FBXO40: variants seen among roughly 807,000 people sequenced by gnomAD.
FBXO40 encodes the protein F-box only protein 40.
Under a neutral mutation model 49.9 loss-of-function variants are expected in FBXO40, and 50 were observed. The ratio of observed to expected loss-of-function variants is 1.00; its 90% CI spans 0.80 to 1.27. The LOEUF (loss-of-function observed/expected upper bound fraction) is 1.27. Ranked by LOEUF, FBXO40 falls within the 50% of genes most tolerant of loss-of-function variation. The probability of loss-of-function intolerance (pLI) is 0.00; values close to 1 mark genes in which losing one functional copy is unlikely to be tolerated. For missense variants in FBXO40, 895 were observed against 870.1 expected, an observed-to-expected ratio of 1.03 and a Z score of -0.36; for synonymous variants, 340 against 320.2, an observed-to-expected ratio of 1.06 and a Z score of -0.66.
intron 1 of FBXO40, among the ~76,000 whole-genome samples, chr3:121,598,641 G>A (rs932150799): frequency 2.0e-5 from 3 of 152,146 alleles, no homozygotes; most frequent in African/African-American, 4.8e-5. Context: ...GCACTACACC[G>A]GGTGAGCAAG....
chr3:121,611,562 T>C (rs2048965708), intron 1 of FBXO40, among the ~76,000 whole-genome samples: 1 of 152,216 alleles, frequency 6.6e-6, no homozygotes, highest in Non-Finnish European at 1.5e-5. Context: ...TGAACAAATA[T>C]ACAATCAGGT....
rs11448457 is a variant in FBXO40 at position 121,615,200 on chromosome 3, C to CAAA, written c.-30-5327_-30-5325dup. ...AGCCTGGGCAACAGAGAGAGCATCT[C>CAAA]AAAAAAAAAAAAAAAAAAAAAGTAG... is the stretch of plus-strand genomic sequence containing the variant. On this transcript the variant is annotated intron_variant, in intron 1 of 3. Transcript: ENST00000338040. 1.6e-3 allele frequency among the ~76,000 whole-genome samples: 110 copies of CAAA among 69,142 alleles called. 2 individuals carry two copies. The highest frequency in any genetic ancestry group is 3.6e-3 in the East Asian group (9 of 2,500). 45.4% of individuals were successfully genotyped at this position (69,142 alleles called of 152,430 possible).
intron 1 of FBXO40, among the ~76,000 whole-genome samples, chr3:121,598,814 C>T (rs1318076638): frequency 1.4e-4 from 22 of 152,152 alleles, no homozygotes; most frequent in Admixed American, 1.4e-3. Context: ...CTGAACTGGG[C>T]CCAATTTACA....
At chr3:121,599,468 C>CAAA (rs35637771) in intron 1 of FBXO40, among the ~76,000 whole-genome samples, 1 of 91,678 alleles carries the variant, frequency 1.1e-5, no homozygotes, top group African/African-American at 4.4e-5. Flanking sequence ...GACTCTGACT[C>CAAA]AAAAAAAAAA....
intron 1 of FBXO40, among the ~76,000 whole-genome samples, chr3:121,615,669 G>A (rs2048993967): frequency 6.6e-6 from 1 of 152,072 alleles, no homozygotes; most frequent in Admixed American, 6.5e-5. Flanking sequence ...GGTAGCAGCT[G>A]TCAGTGTTAT....
chr3:121,600,500 A>T (rs4402866), intron 1 of FBXO40, among the ~76,000 whole-genome samples: 101,997 of 151,966 alleles, frequency 0.67, 34,508 homozygotes, highest in East Asian at 0.79. Context: ...GCCATAAGGA[A>T]GGAGGGGCTT....
chr3:121,628,467 TG>T lies in FBXO40; in HGVS notation c.*1559del, dbSNP rs1195115381. On this transcript the variant is annotated 3_prime_UTR_variant, in exon 4 of 4. Coordinates refer to ENST00000338040, the MANE Select transcript of FBXO40 (RefSeq NM_016298.4). The stretch of plus-strand genomic sequence containing the variant: ...GTGAGCCACTGCGCCCTGCCTGAAC[TG>T]GATAATTCTTTGTTGCAAGGGACTG... 6.6e-6 allele frequency: 1 copy of T among 152,210 alleles called. No individual in the cohort carries two copies. Among genetic ancestry groups the T allele is most frequent in the Non-Finnish European group, 1.5e-5 (1 of 68,060 alleles). The allele number at this position is 152,210 out of a possible 1,614,324, so 9.4% of individuals were successfully genotyped here.
At position 121,604,971 on chromosome 3, in the gene FBXO40, TTTA is replaced by T. The variant is rs869307383; in HGVS notation, c.-31+11475_-31+11477del. Among the ~76,000 whole-genome samples the T allele has an allele frequency of 1.0e-3, 152 of 145,260 alleles. 1 individual carries two copies. The highest frequency in any genetic ancestry group is 1.5e-3 in the Admixed American group (22 of 14,682). On this transcript the variant is annotated intron_variant, in intron 1 of 3. Coordinates refer to ENST00000338040, the MANE Select transcript of FBXO40 (RefSeq NM_016298.4). ...ATTTATTTATTTATTTATTTATTTA[TTTA>T]TTATTTATTTATTTATTTGACACAG...
At chr3:121,613,498 C>T (rs139763274) in intron 1 of FBXO40, among the ~76,000 whole-genome samples, 83 of 152,244 alleles carry the variant, frequency 5.5e-4, no homozygotes, top group African/African-American at 1.9e-3. Context: ...GTCTAGAAAG[C>T]GGGGCCCGGC....
At chr3:121,596,236 C>T (rs1337907997) in intron 1 of FBXO40, among the ~76,000 whole-genome samples, 1 of 152,190 alleles carries the variant, frequency 6.6e-6, no homozygotes, top group African/African-American at 2.4e-5. Flanking sequence ...CATGCCTTGG[C>T]TGTCACCACT....
intron 1 of FBXO40, among the ~76,000 whole-genome samples, chr3:121,605,856 G>T (rs2048929782): frequency 6.6e-6 from 1 of 152,212 alleles, no homozygotes; most frequent in African/African-American, 2.4e-5. Flanking sequence ...GTCCCTGTGT[G>T]GGGGATATCC....
chr3:121,612,977 G>A (rs966212821), intron 1 of FBXO40, among the ~76,000 whole-genome samples: 1 of 151,788 alleles, frequency 6.6e-6, no homozygotes, highest in Non-Finnish European at 1.5e-5. Context: ...GGCTGAGGCG[G>A]GAGAATGGCG....
intron 1 of FBXO40, among the ~76,000 whole-genome samples, chr3:121,596,123 C>T (rs541229719): frequency 2.0e-5 from 3 of 152,294 alleles, no homozygotes; most frequent in South Asian, 2.1e-4. Context: ...ACCTGCTATA[C>T]GTGTTAGCAT....
chr3:121,614,520 A>G (rs1189675196), intron 1 of FBXO40, among the ~76,000 whole-genome samples: 3 of 152,172 alleles, frequency 2.0e-5, no homozygotes, highest in African/African-American at 7.2e-5. Context: ...TGTGAAACAA[A>G]GGCAGCAAGC....
intron 1 of FBXO40, among the ~76,000 whole-genome samples, chr3:121,609,649 A>C (rs2048953898): frequency 6.6e-6 from 1 of 151,998 alleles, no homozygotes; most frequent in African/African-American, 2.4e-5. Flanking sequence ...CAAAAGTAAC[A>C]CTCGTTTGTT....
chr3:121,610,629 T>G (rs2048959165), intron 1 of FBXO40, among the ~76,000 whole-genome samples: 1 of 152,104 alleles, frequency 6.6e-6, no homozygotes, highest in Non-Finnish European at 1.5e-5. Flanking sequence ...TCTAGGTTCT[T>G]ACTTCCTTTT....
In FBXO40 at chr3:121,621,732, C is replaced by CA. The variant is rs2049032300; in HGVS notation, c.303_304insA (p.Trp102MetfsTer7). The CA allele has an allele frequency of 1.9e-6, 3 of 1,614,146 alleles. No individual in the cohort carries two copies. Among genetic ancestry groups the CA allele is most frequent in the Non-Finnish European group, 8.5e-7 (1 of 1,180,056 alleles). ...TCTGCTGCTCCATGGAGTGGAACCG[C>CA]TGGCCAAATGTGGACTCTGAAACCA... is the stretch of plus-strand genomic sequence containing the variant. On this transcript the variant is annotated frameshift_variant, in exon 3 of 4. Coordinates refer to ENST00000338040, the MANE Select transcript of FBXO40 (RefSeq NM_016298.4). LOFTEE classifies it high-confidence loss of function.
At chr3:121,594,993 G>A (rs1225011072) in intron 1 of FBXO40, among the ~76,000 whole-genome samples, 2 of 152,140 alleles carry the variant, frequency 1.3e-5, no homozygotes, top group Non-Finnish European at 2.9e-5. Context: ...TTATTTTCTT[G>A]TTTTTCACTG....
At chr3:121,610,498 G>C (rs1366245594) in intron 1 of FBXO40, among the ~76,000 whole-genome samples, 4 of 152,076 alleles carry the variant, frequency 2.6e-5, no homozygotes, top group Non-Finnish European at 4.4e-5. Flanking sequence ...ACTGCCCTTG[G>C]AACAAGGTTG....
Sources: gnomAD v4.1 joint callset for allele counts (sites outside exome capture counted in the v4.1 genomes callset) on GRCh38, gnomAD v4.1.1 for gene constraint, MANE v1.5 for transcripts, NCBI Gene and HGNC (gene_info 2026-07-23, HGNC 2026-07-21) for gene names.